CTNNA2: variants seen among roughly 807,000 people sequenced by gnomAD.
CTNNA2 encodes the protein catenin alpha-2.
A neutral mutation model predicts 101.0 loss-of-function variants in CTNNA2; 42 were observed. The observed-to-expected ratio is 0.42, with a 90% CI of 0.32 to 0.54. The LOEUF (loss-of-function observed/expected upper bound fraction) is 0.54. Among genes scored for constraint, CTNNA2 ranks in the 20% least tolerant of loss-of-function variants. CTNNA2 has a pLI of 0.14. For missense variants in CTNNA2, 871 were observed against 1,223.1 expected, an observed-to-expected ratio of 0.71 and a Z score of 4.29; for synonymous variants, 450 against 456.4, an observed-to-expected ratio of 0.99 and a Z score of 0.18.
chr2:80,507,137 C>T (rs76388044), intron 9 of CTNNA2, among the ~76,000 whole-genome samples: 3,030 of 152,230 alleles, frequency 0.02, 110 homozygotes, highest in African/African-American at 0.068. Context: ...TTAACCATTT[C>T]GTTCCCTAGT....
At chr2:80,213,598 T>C (rs1284456985) in intron 7 of CTNNA2, among the ~76,000 whole-genome samples, 1 of 152,226 alleles carries the variant, frequency 6.6e-6, no homozygotes, top group African/African-American at 2.4e-5. Context: ...ATAATTTCTG[T>C]TCTTTTACAT....
In CTNNA2 at chr2:79,835,666, G is replaced by GTTTTTTTTTTTT. The variant is rs70940048; in HGVS notation, c.299-22321_299-22310dup. Among the ~76,000 whole-genome samples, 13 of 58,632 alleles carry GTTTTTTTTTTTT rather than the reference G, an allele frequency of 2.2e-4. 2 individuals carry two copies. Among genetic ancestry groups the GTTTTTTTTTTTT allele is most frequent in the African/African-American group, 5.8e-4 (8 of 13,696 alleles). 38.5% of individuals were successfully genotyped at this position (58,632 alleles called of 152,430 possible). A position where few individuals can be genotyped will look rare whatever the true frequency, so the allele number is the denominator to read the frequency against. ...CTGTGCTGCAGAATGGCCTCTCTTT[G>GTTTTTTTTTTTT]TTTTTTTTTTTTTTTTTTTTTTTTT... On this transcript the variant is annotated intron_variant, in intron 3 of 18. Coordinates refer to ENST00000402739, the MANE Select transcript of CTNNA2 (RefSeq NM_001282597.3).
chr2:79,900,929 C>T (rs538920299), intron 6 of CTNNA2, among the ~76,000 whole-genome samples: 10 of 152,084 alleles, frequency 6.6e-5, no homozygotes, highest in African/African-American at 9.6e-5. Flanking sequence ...AATAGATACA[C>T]GTACTATGTA....
At chr2:79,871,696 A>G (rs1220923436) in intron 5 of CTNNA2, among the ~76,000 whole-genome samples, 2 of 152,178 alleles carry the variant, frequency 1.3e-5, no homozygotes, top group Admixed American at 6.5e-5. Context: ...GACACATTCA[A>G]AATAATGCTT....
intron 4 of CTNNA2, among the ~76,000 whole-genome samples, chr2:79,390,692 A>T (rs558410905): frequency 6.6e-6 from 1 of 152,352 alleles, no homozygotes; most frequent in South Asian, 2.1e-4. Flanking sequence ...ATATGGAAAT[A>T]GGAATGATAC....
At chr2:80,530,169 C>T (rs1690411006) in intron 9 of CTNNA2, among the ~76,000 whole-genome samples, 1 of 152,158 alleles carries the variant, frequency 6.6e-6, no homozygotes, top group African/African-American at 2.4e-5. Flanking sequence ...AAAGGGACTC[C>T]ATGTGGCAGA....
intron 7 of CTNNA2, among the ~76,000 whole-genome samples, chr2:79,925,893 A>G (rs956521073): frequency 2.0e-5 from 3 of 151,850 alleles, no homozygotes; most frequent in African/African-American, 4.8e-5. Flanking sequence ...TTTTTTCTGA[A>G]ATACCCAGAT....
chr2:79,944,038 T>A (rs990352348), intron 7 of CTNNA2, among the ~76,000 whole-genome samples: 1 of 152,204 alleles, frequency 6.6e-6, no homozygotes, highest in African/African-American at 2.4e-5. Flanking sequence ...TAAATGAGAA[T>A]GCTGCAGCCT....
intron 18 of CTNNA2, among the ~76,000 whole-genome samples, chr2:80,635,413 A>G (rs1190922454): frequency 6.6e-6 from 1 of 152,196 alleles, no homozygotes; most frequent in Non-Finnish European, 1.5e-5. Context: ...AAGACCTCTT[A>G]TGAGCCCTTA....
intron 9 of CTNNA2, among the ~76,000 whole-genome samples, chr2:80,454,541 C>A (rs543577877): frequency 1.3e-5 from 2 of 152,170 alleles, no homozygotes. Flanking sequence ...TGTCCTTGAA[C>A]GTGTTCAAAT....
chr2:80,058,679 G>A (rs1229500436), intron 7 of CTNNA2, among the ~76,000 whole-genome samples: 1 of 152,104 alleles, frequency 6.6e-6, no homozygotes, highest in African/African-American at 2.4e-5. Flanking sequence ...GTTATTTTAA[G>A]TGCCATAGAA....
chr2:80,176,243 C>T (rs970265941), intron 7 of CTNNA2, among the ~76,000 whole-genome samples: 1 of 152,140 alleles, frequency 6.6e-6, no homozygotes, highest in Non-Finnish European at 1.5e-5. Flanking sequence ...TATAGCTATC[C>T]TTTGTACTAC....
rs34560865 is a variant in CTNNA2 at position 79,541,630 on chromosome 2, A to AT, written c.-6+28438dup. On this transcript the variant is annotated intron_variant, in intron 1 of 18. Transcript: ENST00000402739. ...GATTTGCATTTCCCCAATCTTCATA[A>AT]TTTTTTTTTTTTTTTGAGACAGAGT... is the stretch of plus-strand genomic sequence containing the variant. Among the ~76,000 whole-genome samples the AT allele has an allele frequency of 2.2e-3, 314 of 142,542 alleles. 1 individual carries two copies. Among genetic ancestry groups the AT allele is most frequent in the Admixed American group, 4.2e-3 (59 of 14,120 alleles). The allele number at this position is 142,542 out of a possible 152,430, so 93.5% of individuals were successfully genotyped here. A position where few individuals can be genotyped will look rare whatever the true frequency, so the allele number is the denominator to read the frequency against.
chr2:80,298,743 A>G (rs993331912), intron 7 of CTNNA2: 2 of 152,220 alleles, frequency 1.3e-5, no homozygotes, highest in Non-Finnish European at 2.9e-5. Flanking sequence ...ATATTTTTAA[A>G]TGGTTGAGAA....
At chr2:79,846,946 G>C (rs1245315971) in intron 3 of CTNNA2, among the ~76,000 whole-genome samples, 1 of 152,108 alleles carries the variant, frequency 6.6e-6, no homozygotes, top group East Asian at 1.9e-4. Context: ...CATGTTAATT[G>C]GCTTAAAAAG....
intron 7 of CTNNA2, among the ~76,000 whole-genome samples, chr2:80,271,342 T>C (rs767933599): frequency 2.6e-4 from 40 of 152,060 alleles, no homozygotes; most frequent in Non-Finnish European, 5.1e-4. Flanking sequence ...ATTAACATAA[T>C]ATGGTGGGTA....
At chr2:80,645,741 C>T (rs1674012345) in intron 18 of CTNNA2, among the ~76,000 whole-genome samples, 1 of 151,176 alleles carries the variant, frequency 6.6e-6, no homozygotes, top group Non-Finnish European at 1.5e-5. Flanking sequence ...TTTTCCTTAG[C>T]TATCTTTAGA....
At chr2:79,699,788 TACAC>T (rs377095429) in intron 2 of CTNNA2, among the ~76,000 whole-genome samples, 20,591 of 119,670 alleles carry the variant, frequency 0.17, 1,672 homozygotes, top group Admixed American at 0.19. Context: ...AAGAAAAAAA[TACAC>T]ACACACACAC....
At position 79,907,707 on chromosome 2, in the gene CTNNA2, A is replaced by G. The variant is rs541009130; in HGVS notation, c.853-1887A>G. Among the ~76,000 whole-genome samples the G allele has an allele frequency of 3.9e-5, 6 of 152,366 alleles. No homozygotes were observed. The South Asian group carries it at 1.2e-3, about 32-fold the overall frequency. On this transcript the variant is annotated intron_variant, in intron 6 of 18. Transcript: ENST00000402739. The stretch of plus-strand genomic sequence containing the variant: ...TCCGTTTTCTAAGATATAAGAGAGT[A>G]CAAATGTAAGAATGATCATCTTGCC...
Sources: gnomAD v4.1 joint callset for allele counts (sites outside exome capture counted in the v4.1 genomes callset) on GRCh38, gnomAD v4.1.1 for gene constraint, MANE v1.5 for transcripts, NCBI Gene and HGNC (gene_info 2026-07-23, HGNC 2026-07-21) for gene names.